SYNPO2: variants seen among roughly 807,000 people sequenced by gnomAD.
SYNPO2 encodes synaptopodin 2.
A neutral mutation model predicts 85.0 loss-of-function variants in SYNPO2; 56 were observed. That is an observed-to-expected ratio of 0.66 (90% CI 0.53 to 0.82). SYNPO2 has a LOEUF of 0.82. Ranked by LOEUF, SYNPO2 falls within the 40% of genes least tolerant of loss-of-function variation. The probability of loss-of-function intolerance (pLI) is 0.00; values close to 1 mark genes in which losing one functional copy is unlikely to be tolerated. For missense variants in SYNPO2, 1,575 were observed against 1,534.2 expected (o/e 1.03, Z -0.44); for synonymous variants, 602 against 591.1 (o/e 1.02, Z -0.27).
chr4:118,879,252 A>C (rs1004336361), intron 1 of SYNPO2, among the ~76,000 whole-genome samples: 6 of 152,202 alleles, frequency 3.9e-5, no homozygotes, highest in Admixed American at 6.5e-5. Flanking sequence ...GGAGACCATG[A>C]ACCCACTGGA....
chr4:118,891,033 G>A (rs1732361849), intron 1 of SYNPO2, among the ~76,000 whole-genome samples: 1 of 152,022 alleles, frequency 6.6e-6, no homozygotes, highest in South Asian at 2.1e-4. Context: ...CCTCTTTGCG[G>A]CGATTCACTG....
intron 1 of SYNPO2, among the ~76,000 whole-genome samples, chr4:118,983,769 T>G (rs199783688): frequency 6.6e-5 from 2 of 30,532 alleles, no homozygotes; most frequent in Non-Finnish European, 1.5e-4. Flanking sequence ...TCAGTAATAT[T>G]TCTAACAAGC....
At chr4:119,055,160 T>TA (rs995736558) in intron 4 of SYNPO2, among the ~76,000 whole-genome samples, 71 of 148,438 alleles carry the variant, frequency 4.8e-4, no homozygotes, top group Middle Eastern at 3.4e-3. Context: ...TTTATTTATT[T>TA]TTTTTTTTTG....
Position 119,057,781 on chromosome 4 carries a change from C to T in SYNPO2, c.3633C>T (p.Ser1211=). ...VTANNNMSTT[S]QYGSQLPYAY... is the part of the protein sequence containing the mutation. ...CCAATAATAATATGTCCACCACCTCCCAATATGGTTCACAGTTGCCATATG... is the reference window on the plus strand; with the variant it reads ...CCAATAATAATATGTCCACCACCTCTCAATATGGTTCACAGTTGCCATATG... Residue 1211 remains serine (S), a synonymous_variant, in exon 5 of 5, where the codon TCC becomes TCT. Transcript: ENST00000307142. 6.2e-7 allele frequency: 1 copy of T among 1,614,040 alleles called. No individual in the cohort carries two copies. The highest frequency in any genetic ancestry group is 8.5e-7 in the Non-Finnish European group (1 of 1,180,004).
At chr4:118,981,657 G>A (rs541173555) in intron 1 of SYNPO2, among the ~76,000 whole-genome samples, 1 of 152,254 alleles carries the variant, frequency 6.6e-6, no homozygotes, top group Admixed American at 6.5e-5. Context: ...AAAGGCATAA[G>A]GGGGCCAGTT....
At chr4:118,946,324 G>A (rs1185612910) in intron 1 of SYNPO2, among the ~76,000 whole-genome samples, 3 of 152,204 alleles carry the variant, frequency 2.0e-5, no homozygotes, top group Admixed American at 2.0e-4. Flanking sequence ...AGGAAGAAAA[G>A]TAAGGAAGGC....
intron 1 of SYNPO2, among the ~76,000 whole-genome samples, chr4:119,000,738 G>C (rs926233693): frequency 6.6e-6 from 1 of 152,230 alleles, no homozygotes; most frequent in African/African-American, 2.4e-5. Context: ...GGACAGGAGA[G>C]AGAAGAAGCA....
chr4:118,877,342 A>G (rs973664206), intron 1 of SYNPO2, among the ~76,000 whole-genome samples: 18 of 152,190 alleles, frequency 1.2e-4, no homozygotes, highest in Non-Finnish European at 1.5e-5. Flanking sequence ...ATTTTTACAA[A>G]AACAGAAATT....
chr4:119,006,991 A>C (rs1350296176), intron 1 of SYNPO2, among the ~76,000 whole-genome samples: 3 of 151,176 alleles, frequency 2.0e-5, no homozygotes, highest in African/African-American at 7.3e-5. Flanking sequence ...GGTTGTTTTC[A>C]TTACATTTCG....
At chr4:119,012,644 T>C (rs138022294) in intron 1 of SYNPO2, among the ~76,000 whole-genome samples, 5 of 152,240 alleles carry the variant, frequency 3.3e-5, no homozygotes, top group African/African-American at 9.6e-5. Flanking sequence ...TGAGAACATG[T>C]GGTTTTGGTT....
chr4:118,854,438 A>G (rs545629851), intron 1 of SYNPO2, among the ~76,000 whole-genome samples: 1 of 152,336 alleles, frequency 6.6e-6, no homozygotes, highest in South Asian at 2.1e-4. Context: ...GATGCTGCAA[A>G]TAGAAAACCA....
chr4:118,872,980 G>T (rs926291754), intron 1 of SYNPO2, among the ~76,000 whole-genome samples: 3 of 152,084 alleles, frequency 2.0e-5, no homozygotes, highest in Non-Finnish European at 4.4e-5. Context: ...TTCCATCGAT[G>T]TTGCTGTAAA....
At chr4:118,954,987 T>C (rs543528124) in intron 1 of SYNPO2, among the ~76,000 whole-genome samples, 11 of 146,480 alleles carry the variant, frequency 7.5e-5, no homozygotes, top group Admixed American at 3.6e-4. Flanking sequence ...GACTCCAGAT[T>C]CTGTGCAATT....
In SYNPO2 at chr4:118,955,584, A is replaced by T. The variant is rs115522745; in HGVS notation, c.105+66443A>T. On this transcript the variant is annotated intron_variant, in intron 1 of 4. Coordinates refer to ENST00000307142, the MANE Select transcript of SYNPO2 (RefSeq NM_133477.3). ...TTGGATGAGAGAAGTAGCGGATAGA[A>T]AGCATTCTCAGCAGGAAGAAAGGTT... 5.2e-3 allele frequency among the ~76,000 whole-genome samples: 795 copies of T among 152,314 alleles called. 14 individuals carry two copies. Among genetic ancestry groups the T allele is most frequent in the African/African-American group, 0.017 (693 of 41,570 alleles).
intron 1 of SYNPO2, among the ~76,000 whole-genome samples, chr4:118,927,151 T>A (rs917588062): frequency 6.6e-6 from 1 of 152,134 alleles, no homozygotes; most frequent in Non-Finnish European, 1.5e-5. Context: ...TTAACTGTCT[T>A]GGTCTGTCTT....
At chr4:118,957,583 A>C (rs985338087) in intron 1 of SYNPO2, among the ~76,000 whole-genome samples, 1 of 152,214 alleles carries the variant, frequency 6.6e-6, no homozygotes, top group Non-Finnish European at 1.5e-5. Flanking sequence ...CACTAAATAC[A>C]TGGTAGCTAC....
At chr4:118,977,361 C>G (rs1735824353) in intron 1 of SYNPO2, among the ~76,000 whole-genome samples, 1 of 152,352 alleles carries the variant, frequency 6.6e-6, no homozygotes, top group Non-Finnish European at 1.5e-5. Flanking sequence ...CCTGCCAACC[C>G]CACGCCCACC....
intron 1 of SYNPO2, among the ~76,000 whole-genome samples, chr4:118,870,896 A>G (rs534592377): frequency 1.3e-5 from 2 of 152,354 alleles, no homozygotes; most frequent in African/African-American, 2.4e-5. Flanking sequence ...AACTTAAAAT[A>G]AAATTTTTTT....
chr4:118,879,140 C>G (rs1251138503), intron 1 of SYNPO2, among the ~76,000 whole-genome samples: 3 of 152,148 alleles, frequency 2.0e-5, no homozygotes, highest in South Asian at 2.1e-4. Context: ...GGAAGAAACT[C>G]CCGACACATC....
Sources: gnomAD v4.1 joint callset for allele counts (sites outside exome capture counted in the v4.1 genomes callset) on GRCh38, gnomAD v4.1.1 for gene constraint, MANE v1.5 for transcripts, NCBI Gene and HGNC (gene_info 2026-07-23, HGNC 2026-07-21) for gene names.